The following NDUFA12 variants were observed in gnomAD, a reference collection of about 807,000 sequenced individuals.
The protein encoded by NDUFA12 is NADH:ubiquinone oxidoreductase subunit A12.
A neutral mutation model predicts 20.3 loss-of-function variants in NDUFA12; 17 were observed. The observed-to-expected ratio is 0.84, with a 90% CI of 0.57 to 1.26. NDUFA12 has a LOEUF of 1.26. Among genes scored for constraint, NDUFA12 ranks in the 50% most tolerant of loss-of-function variants. The pLI, the probability that NDUFA12 is intolerant of heterozygous loss-of-function variation, is 0.00. For synonymous variants in NDUFA12, 72 were observed against 63.6 expected, an observed-to-expected ratio of 1.13 and a Z score of -0.63; for missense variants, 191 against 183.7, an observed-to-expected ratio of 1.04 and a Z score of -0.23.
At chr12:94,995,144 A>G (rs1488497447) in intron 2 of NDUFA12, among the ~76,000 whole-genome samples, 9 of 152,338 alleles carry the variant, frequency 5.9e-5, no homozygotes, top group African/African-American at 1.9e-4. Context: ...CTTTAAACCA[A>G]TAAGTAAAAG....
intron 2 of NDUFA12, among the ~76,000 whole-genome samples, chr12:94,996,324 T>TACACACACACACACACACACAC (rs71075891): frequency 1.4e-5 from 2 of 141,296 alleles, no homozygotes; most frequent in African/African-American, 5.2e-5. Context: ...CATATATAGG[T>TACACACACACACACACACACAC]ACACACACAC....
rs988202124 is a variant in NDUFA12 at position 94,975,017 on chromosome 12, T to C, written c.258-3397A>G. 3.9e-5 allele frequency among the ~76,000 whole-genome samples: 6 copies of C among 152,358 alleles called. 1 individual carries two copies. Among genetic ancestry groups the C allele is most frequent in the Middle Eastern group, 6.8e-3 (2 of 294 alleles). On this transcript the variant is annotated intron_variant, in intron 3 of 3. Transcript: ENST00000327772. ...TTTTAAAACAACTAAAAGAGTATAA[T>C]TGGATTGTTTGTAACACAAAGGACA...
chr12:94,980,732 TA>T (rs1384716589), intron 3 of NDUFA12, among the ~76,000 whole-genome samples: 1 of 151,918 alleles, frequency 6.6e-6, no homozygotes, highest in Non-Finnish European at 1.5e-5. Context: ...GACATGTTAC[TA>T]AGAAATGAAC....
intron 3 of NDUFA12, among the ~76,000 whole-genome samples, chr12:94,979,118 C>T (rs547254151): frequency 6.6e-6 from 1 of 152,292 alleles, no homozygotes; most frequent in African/African-American, 2.4e-5. Flanking sequence ...GTCCCAGCTA[C>T]ATGGGAGGCT....
Position 95,002,838 on chromosome 12 carries a change from G to T in NDUFA12, c.87-17C>A, listed in dbSNP as rs372330646. 9 of 1,592,064 alleles carry T rather than the reference G, an allele frequency of 5.7e-6. No homozygotes were observed. Among genetic ancestry groups the T allele is most frequent in the Non-Finnish European group, 7.8e-6 (9 of 1,159,958 alleles). ...TCATTTGTCCTGTGAATACCCAAAA[G>T]AAAACAGACATTTTAGAATGATTCT... On this transcript the variant is annotated splice_polypyrimidine_tract_variant and intron_variant, in intron 1 of 3. Coordinates refer to ENST00000327772, the MANE Select transcript of NDUFA12 (RefSeq NM_018838.5).
chr12:94,999,373 T>C (rs1215534473), intron 2 of NDUFA12, among the ~76,000 whole-genome samples: 1 of 152,116 alleles, frequency 6.6e-6, no homozygotes, highest in Non-Finnish European at 1.5e-5. Context: ...CCTGAAAACA[T>C]AAAAATTCTA....
At chr12:95,000,600 T>C (rs1299464923) in intron 2 of NDUFA12, among the ~76,000 whole-genome samples, 3 of 152,198 alleles carry the variant, frequency 2.0e-5, no homozygotes, top group Non-Finnish European at 4.4e-5. Flanking sequence ...TTATTCTACT[T>C]TACAGATGAG....
Position 94,994,176 on chromosome 12 carries a change from G to T in NDUFA12, c.251C>A (p.Pro84His). The change falls in exon 3 of 4, where the codon CCT (proline) becomes CAT (histidine). Residue 84 changes from proline (P) to histidine (H), a missense_variant. Physicochemically the swap from Pro to His is moderately conservative, Grantham distance 77. Coordinates refer to ENST00000327772, the MANE Select transcript of NDUFA12 (RefSeq NM_018838.5). The stretch of plus-strand genomic sequence containing the variant: ...AAATGTTGTCTTAGCTTACCATTCA[G>T]GAGGCACCATGCTTCCATCCACATC... ...FWDVDGSMVP[P>H]EWHRWLHSMT... 6.2e-7 allele frequency: 1 copy of T among 1,613,794 alleles called. No individual in the cohort carries two copies. The highest frequency in any genetic ancestry group is 8.5e-7 in the Non-Finnish European group (1 of 1,179,728).
chr12:94,984,539 C>CA (rs1313330733), intron 3 of NDUFA12, among the ~76,000 whole-genome samples: 1 of 149,738 alleles, frequency 6.7e-6, no homozygotes, highest in Non-Finnish European at 1.5e-5. Flanking sequence ...TCCAAAGAAA[C>CA]AAAAAAGCAA....
At position 94,997,188 on chromosome 12, in the gene NDUFA12, C is replaced by A. The variant is rs181798526; in HGVS notation, c.170-2931G>T. On this transcript the variant is annotated intron_variant, in intron 2 of 3. Coordinates refer to ENST00000327772, the MANE Select transcript of NDUFA12 (RefSeq NM_018838.5). ...AGACCTCATCACACTCACACATACA[C>A]ACACACACGCACACACACGCACACA... 165 of 127,552 alleles carry A rather than the reference C, an allele frequency of 1.3e-3. 1 individual carries two copies. The highest frequency in any genetic ancestry group is 6.6e-3 in the African/African-American group (160 of 24,256). The allele number at this position is 127,552 out of a possible 1,614,324, so 7.9% of individuals were successfully genotyped here.
At chr12:94,978,084 C>T (rs1351600676) in intron 3 of NDUFA12, among the ~76,000 whole-genome samples, 1 of 152,160 alleles carries the variant, frequency 6.6e-6, no homozygotes, top group Non-Finnish European at 1.5e-5. Context: ...AGGGCTGTGA[C>T]TAGGACAGTG....
chr12:94,999,113 A>G (rs541252732), intron 2 of NDUFA12, among the ~76,000 whole-genome samples: 1 of 152,202 alleles, frequency 6.6e-6, no homozygotes, highest in African/African-American at 2.4e-5. Context: ...CCAAAACACT[A>G]TGCTACCGGT....
In NDUFA12 at chr12:94,982,466, C is replaced by T. The variant is rs571350266; in HGVS notation, c.258-10846G>A. Among the ~76,000 whole-genome samples the T allele has an allele frequency of 1.6e-4, 24 of 151,964 alleles. No homozygotes were observed. In the East Asian group the frequency reaches 4.1e-3, roughly 26 times the overall value. Reference sequence around the variant, plus strand: ...TTTTTTTTTGTAGTTTAAGTGGAGACGGGGTTTCACTGTGTTAGCCAAGAT... The same window carrying T: ...TTTTTTTTTGTAGTTTAAGTGGAGATGGGGTTTCACTGTGTTAGCCAAGAT... On this transcript the variant is annotated intron_variant, in intron 3 of 3. Transcript: ENST00000327772.
At chr12:94,973,872 C>A (rs10859810) in intron 3 of NDUFA12, among the ~76,000 whole-genome samples, 48,608 of 151,356 alleles carry the variant, frequency 0.32, 8,148 homozygotes, top group East Asian at 0.42. Context: ...GCAAATATAA[C>A]CCTTGTTATT....
At chr12:94,985,715 A>C (rs111956618) in intron 3 of NDUFA12, among the ~76,000 whole-genome samples, 12,959 of 151,754 alleles carry the variant, frequency 0.085, 764 homozygotes, top group Non-Finnish European at 0.13. Flanking sequence ...AGCTATATGA[A>C]AAAAATGCTC....
chr12:94,988,538 A>G (rs1297791740), intron 3 of NDUFA12, among the ~76,000 whole-genome samples: 2 of 152,210 alleles, frequency 1.3e-5, no homozygotes, highest in Admixed American at 6.5e-5. Context: ...GGCTTACTGA[A>G]AGATTCTCCC....
At chr12:94,999,755 C>A (rs1874961247) in intron 2 of NDUFA12, among the ~76,000 whole-genome samples, 1 of 152,064 alleles carries the variant, frequency 6.6e-6, no homozygotes, top group Non-Finnish European at 1.5e-5. Flanking sequence ...CAGGAAAATG[C>A]AAATTAAAAC....
chr12:94,988,457 C>T (rs1340694898), intron 3 of NDUFA12, among the ~76,000 whole-genome samples: 1 of 152,136 alleles, frequency 6.6e-6, no homozygotes, highest in African/African-American at 2.4e-5. Flanking sequence ...AACTGTAAAT[C>T]AGATCACACC....
chr12:94,990,414 TA>T lies in NDUFA12; in HGVS notation c.257+3755del, dbSNP rs1344596180. Among the ~76,000 whole-genome samples, 7 of 152,172 alleles carry T rather than the reference TA, an allele frequency of 4.6e-5. No individual in the cohort carries two copies. The East Asian group carries it at 1.4e-3, about 29-fold the overall frequency. The stretch of plus-strand genomic sequence containing the variant: ...CCTAATCAGTGCTGCTTTCTCACGG[TA>T]AGAACCAAAGAGCTTTTTTTATTCA... On this transcript the variant is annotated intron_variant, in intron 3 of 3. Transcript: ENST00000327772.
Sources: gnomAD v4.1 joint callset for allele counts (sites outside exome capture counted in the v4.1 genomes callset) on GRCh38, gnomAD v4.1.1 for gene constraint, MANE v1.5 for transcripts, NCBI Gene and HGNC (gene_info 2026-07-23, HGNC 2026-07-21) for gene names.